Variants in NXN observed in about 807,000 individuals in gnomAD.
NXN encodes nucleoredoxin 1.
Under a neutral mutation model 48.6 loss-of-function variants are expected in NXN, and 16 were observed. The ratio of observed to expected loss-of-function variants is 0.33; its 90% confidence interval spans 0.22 to 0.50. The LOEUF (loss-of-function observed/expected upper bound fraction) is 0.50. NXN is among the 20% of genes least tolerant of loss of function. The probability of loss-of-function intolerance (pLI) is 0.98; values close to 1 mark genes in which losing one functional copy is unlikely to be tolerated. For synonymous variants in NXN, 281 were observed against 269.6 expected (o/e 1.04, Z -0.41); for missense variants, 492 against 605.5 (o/e 0.81, Z 1.97).
intron 1 of NXN, among the ~76,000 whole-genome samples, chr17:858,269 T>C (rs998919562): frequency 2.6e-5 from 4 of 152,134 alleles, no homozygotes; most frequent in Non-Finnish European, 5.9e-5. Flanking sequence ...TCCACCCGCC[T>C]TGGCCTCCCA....
intron 1 of NXN, among the ~76,000 whole-genome samples, chr17:928,300 G>A (rs911165815): frequency 6.6e-6 from 1 of 152,104 alleles, no homozygotes; most frequent in Non-Finnish European, 1.5e-5. Flanking sequence ...TTTGGGTAAC[G>A]TGCTCTGCCA....
chr17:908,962 C>T (rs114067205), intron 1 of NXN, among the ~76,000 whole-genome samples: 2,062 of 151,988 alleles, frequency 0.014, 45 homozygotes, highest in African/African-American at 0.047. Flanking sequence ...ACAAATTAGC[C>T]GGGTGTGGTG....
chr17:873,524 CCTTCTGTA>C (rs1255181334), intron 1 of NXN, among the ~76,000 whole-genome samples: 5 of 145,042 alleles, frequency 3.4e-5, no homozygotes, highest in African/African-American at 1.0e-4. Flanking sequence ...GTCTCCGTCT[CCTTCTGTA>C]CTTCTGTACT....
At chr17:844,687 C>T (rs1283612224) in intron 1 of NXN, among the ~76,000 whole-genome samples, 2 of 151,950 alleles carry the variant, frequency 1.3e-5, no homozygotes, top group Non-Finnish European at 2.9e-5. Flanking sequence ...CAGGTTCAAG[C>T]GATTCTCCTG....
chr17:915,892 TC>T (rs2144937064), intron 1 of NXN, among the ~76,000 whole-genome samples: 1 of 99,924 alleles, frequency 1.0e-5, no homozygotes, highest in Non-Finnish European at 1.9e-5. Context: ...TTCCAGCTGC[TC>T]CCCCTCTCCC....
intron 1 of NXN, among the ~76,000 whole-genome samples, chr17:862,078 G>A (rs2068046902): frequency 6.6e-6 from 1 of 151,982 alleles, no homozygotes; most frequent in Admixed American, 6.5e-5. Flanking sequence ...CGATCTACCA[G>A]CCTCAGTCTC....
At position 819,438 on chromosome 17, in the gene NXN, C is replaced by A. The variant is rs1912687230; in HGVS notation, c.820+1G>T. 1 of 1,613,506 alleles carries A rather than the reference C, an allele frequency of 6.2e-7. No individual in the cohort carries two copies. Among genetic ancestry groups the A allele is most frequent in the African/African-American group, 1.3e-5 (1 of 74,922 alleles). On this transcript the variant is annotated splice_donor_variant, in intron 5 of 7. Transcript: ENST00000336868. LOFTEE classifies it high-confidence loss of function. Reference sequence around the variant, plus strand: ...ACGGAGCCGGGGCCTGGAGCGCCTACCTTGGATTCCGTACAGCCGGTTGAG... The same window carrying A: ...ACGGAGCCGGGGCCTGGAGCGCCTAACTTGGATTCCGTACAGCCGGTTGAG...
At chr17:896,115 G>A (rs8082155) in intron 1 of NXN, among the ~76,000 whole-genome samples, 1,851 of 152,018 alleles carry the variant, frequency 0.012, 33 homozygotes, top group African/African-American at 0.042. Flanking sequence ...TGAGGCAGGC[G>A]GATCACCTGA....
intron 5 of NXN, among the ~76,000 whole-genome samples, chr17:812,925 CGTGT>C (rs912473532): frequency 4.2e-4 from 42 of 100,336 alleles, no homozygotes; most frequent in Admixed American, 1.1e-3. Flanking sequence ...TAGGTGTGTG[CGTGT>C]GTGAGTGTGC....
intron 1 of NXN, among the ~76,000 whole-genome samples, chr17:895,610 A>T (rs1369735976): frequency 1.3e-5 from 2 of 150,060 alleles, no homozygotes; most frequent in East Asian, 2.1e-4. Flanking sequence ...CAGGAGATCA[A>T]GACCATCCTG....
rs147778678 is a variant in NXN at position 958,956 on chromosome 17, T to TACACACAC, written c.360+20355_360+20362dup. 7 of 165,226 alleles carry TACACACAC rather than the reference T, an allele frequency of 4.2e-5. No individual in the cohort carries two copies. The highest frequency in any genetic ancestry group is 9.0e-5 in the Non-Finnish European group (7 of 77,794). 10.2% of individuals were successfully genotyped at this position (165,226 alleles called of 1,614,324 possible). A position where few individuals can be genotyped will look rare whatever the true frequency, so the allele number is the denominator to read the frequency against. On this transcript the variant is annotated intron_variant, in intron 1 of 7. Coordinates refer to ENST00000336868, the MANE Select transcript of NXN (RefSeq NM_022463.5). This position sits in a 1 kb window ranked among gnomAD's most constrained non-coding sequence, Gnocchi z 6.9. ...TAAAAAAGAAACACACACACACACA[T>TACACACAC]ACACACACACACACACGATACGAGT...
chr17:972,917 GC>G (rs575623858), intron 1 of NXN, among the ~76,000 whole-genome samples: 143 of 152,104 alleles, frequency 9.4e-4, no homozygotes, highest in African/African-American at 3.3e-3. Context: ...TGTAGTCCCA[GC>G]TACTCGGGAG....
chr17:959,157 G>C, intron 1 of NXN: 3 of 679,632 alleles, frequency 4.4e-6, no homozygotes, highest in Non-Finnish European at 6.5e-6. Context: ...GCGCCCCTAC[G>C]GAAGGCTGGA....
chr17:965,996 G>C (rs948263725), intron 1 of NXN, among the ~76,000 whole-genome samples: 1 of 151,840 alleles, frequency 6.6e-6, no homozygotes, highest in African/African-American at 2.4e-5. Context: ...GGCACCTGTA[G>C]TCCCAGCTAC....
intron 1 of NXN, among the ~76,000 whole-genome samples, chr17:852,738 T>C (rs1808770698): frequency 3.9e-5 from 6 of 152,168 alleles, no homozygotes; most frequent in Admixed American, 3.9e-4. Flanking sequence ...ATTATGCGTA[T>C]GCCAAGCCTA....
chr17:813,192 C>T lies in NXN; in HGVS notation c.820+6247G>A, dbSNP rs73975541. On this transcript the variant is annotated intron_variant, in intron 5 of 7. Coordinates refer to ENST00000336868, the MANE Select transcript of NXN (RefSeq NM_022463.5). Reference sequence around the variant, plus strand: ...TTTGTGACGCTACAAAGCTTATGAACGAATGCACAGTTCCTTCAGAGGTAT... The same window carrying T: ...TTTGTGACGCTACAAAGCTTATGAATGAATGCACAGTTCCTTCAGAGGTAT... Among the ~76,000 whole-genome samples, 1,114 of 152,340 alleles carry T rather than the reference C, an allele frequency of 7.3e-3. 15 individuals carry two copies. The highest frequency in any genetic ancestry group is 0.026 in the African/African-American group (1,068 of 41,570).
intron 1 of NXN, among the ~76,000 whole-genome samples, chr17:945,628 C>CA (rs58303386): frequency 0.045 from 3,918 of 86,376 alleles, 199 homozygotes; most frequent in African/African-American, 0.13. Context: ...GACTCCGTCT[C>CA]AAAAAAAAAA....
Position 944,351 on chromosome 17 carries a change from C to G in NXN, c.360+34968G>C, listed in dbSNP as rs117481530. 4.1e-3 allele frequency among the ~76,000 whole-genome samples: 626 copies of G among 152,318 alleles called. 13 individuals are homozygous for G. In the South Asian group the frequency reaches 0.049, roughly 12 times the overall value. The stretch of plus-strand genomic sequence containing the variant: ...TGTTCCTGTCTCGTCCATATTGGCC[C>G]CAAACTCCAAGATCAAATACGCTTC... On this transcript the variant is annotated intron_variant, in intron 1 of 7. Coordinates refer to ENST00000336868, the MANE Select transcript of NXN (RefSeq NM_022463.5).
At chr17:802,672 G>A (rs775392136) in intron 7 of NXN, among the ~76,000 whole-genome samples, 2 of 152,172 alleles carry the variant, frequency 1.3e-5, no homozygotes, top group Non-Finnish European at 2.9e-5. Context: ...CCCCGAGGCA[G>A]GGCCTGTGAA....
Sources: allele counts gnomAD v4.1 joint callset (sites outside exome capture counted in the v4.1 genomes callset), GRCh38; gene constraint gnomAD v4.1.1; non-coding constraint Gnocchi (gnomAD v3.1); transcripts MANE v1.5; gene names NCBI Gene and HGNC (gene_info 2026-07-23, HGNC 2026-07-21).